Variants in ABR observed in about 807,000 individuals in gnomAD.
ABR encodes the protein ABR activator of RhoGEF and GTPase.
ABR carries 35 observed loss-of-function variants against 107.2 expected under a neutral mutation model. The observed-to-expected ratio is 0.33, with a 90% CI of 0.25 to 0.43. The LOEUF (loss-of-function observed/expected upper bound fraction) is 0.43, where lower values mean the gene tolerates loss of function less well. ABR is among the 20% of genes least tolerant of loss of function. The pLI is 1.00. For synonymous variants in ABR, 498 were observed against 462.0 expected (o/e 1.08, Z -1.00); for missense variants, 815 against 1,115.2 (o/e 0.73, Z 3.83).
chr17:1,083,981 T>G (rs17622751), intron 4 of ABR, among the ~76,000 whole-genome samples: 41,847 of 151,916 alleles, frequency 0.28, 6,903 homozygotes, highest in South Asian at 0.39. Context: ...TCATACTTCC[T>G]TCACATCCTG....
intron 4 of ABR, among the ~76,000 whole-genome samples, chr17:1,089,669 G>A (rs528863092): frequency 6.6e-6 from 1 of 152,318 alleles, no homozygotes; most frequent in South Asian, 2.1e-4. Context: ...CTAAGAAGAA[G>A]GAAATGCAGG....
intron 16 of ABR, among the ~76,000 whole-genome samples, chr17:1,038,512 C>T (rs955669171): frequency 6.6e-6 from 1 of 152,210 alleles, no homozygotes; most frequent in Admixed American, 6.5e-5. Flanking sequence ...TCTCCAGCCG[C>T]GCTAGGGTCT....
chr17:1,167,879 C>T (rs2041573031), intron 1 of ABR, among the ~76,000 whole-genome samples: 1 of 152,174 alleles, frequency 6.6e-6, no homozygotes, highest in African/African-American at 2.4e-5. Context: ...ATCGGCCGGG[C>T]GGGTCGCTCA....
chr17:1,208,785 G>A lies in ABR; in HGVS notation c.838+20008C>T, dbSNP rs1240791292. Among the ~76,000 whole-genome samples the A allele has an allele frequency of 2.0e-5, 3 of 152,166 alleles. No individual in the cohort carries two copies. In the East Asian group the frequency reaches 5.8e-4, roughly 29 times the overall value. ...CGCCTGTAGTCCCAGCTACTCGGGA[G>A]GCTGAGGCAGGAGAATGGCATGAAC... On this transcript the variant is annotated intron_variant, in intron 1 of 22. Coordinates refer to the ABR transcript ENST00000574139.
At position 1,050,282 on chromosome 17, in the gene ABR, A is replaced by G. The variant is rs942643170; in HGVS notation, c.1660-101T>C. 2.8e-6 allele frequency: 4 copies of G among 1,438,450 alleles called. No homozygotes were observed. The highest frequency in any genetic ancestry group is 2.3e-5 in the East Asian group (1 of 43,652). 89.1% of individuals were successfully genotyped at this position (1,438,450 alleles called of 1,614,324 possible). A position where few individuals can be genotyped will look rare whatever the true frequency, so the allele number is the denominator to read the frequency against. ...GCTTTGCAAGGAGGAGGGAGTAAGC[A>G]CGGCCCACGAAGGACACGTCAGATT... is the stretch of plus-strand genomic sequence containing the variant. On this transcript the variant is annotated intron_variant, in intron 15 of 22. Coordinates refer to ENST00000302538, the MANE Select transcript of ABR (RefSeq NM_021962.5). This position sits in a 1 kb window ranked among gnomAD's most constrained non-coding sequence, Gnocchi z 4.6.
chr17:1,186,449 C>CCCCT (rs2042298815), intron 1 of ABR, among the ~76,000 whole-genome samples: 1 of 152,196 alleles, frequency 6.6e-6, no homozygotes. Flanking sequence ...CTGCATTCAC[C>CCCCT]CCCTCACTGC....
Position 1,010,005 on chromosome 17 carries a change from G to T in ABR, c.2237-221C>A. ...GGTAACTCAGCCAGGAGGCCGGCTG[G>T]TGGGAGCAGACCCCCTTCCTGCAGC... On this transcript the variant is annotated intron_variant, in intron 20 of 22. Transcript: ENST00000302538. This position sits in a 1 kb window ranked among gnomAD's most constrained non-coding sequence, Gnocchi z 4.1. 6.7e-6 allele frequency: 4 copies of T among 598,472 alleles called. No homozygotes were observed. The East Asian group carries it at 8.3e-5, about 12-fold the overall frequency. 37.1% of individuals were successfully genotyped at this position (598,472 alleles called of 1,614,324 possible).
chr17:1,066,491 A>C (rs1212280266), intron 10 of ABR, among the ~76,000 whole-genome samples: 2 of 150,558 alleles, frequency 1.3e-5, no homozygotes, highest in Non-Finnish European at 1.5e-5. Flanking sequence ...TTTTCCTTAC[A>C]AAAGCCTGCT....
chr17:1,205,144 C>T (rs1024280709), intron 1 of ABR, among the ~76,000 whole-genome samples: 4 of 152,100 alleles, frequency 2.6e-5, no homozygotes, highest in Non-Finnish European at 5.9e-5. Flanking sequence ...TCAGGTGACC[C>T]GCCCACCTCA....
chr17:1,062,931 G>T (rs1292773769), intron 10 of ABR, among the ~76,000 whole-genome samples: 1 of 144,000 alleles, frequency 6.9e-6, no homozygotes, highest in Non-Finnish European at 1.6e-5. Flanking sequence ...TACGTGAACT[G>T]AGGGCTATGC....
chr17:1,171,916 G>A (rs1400630328), intron 1 of ABR, among the ~76,000 whole-genome samples: 2 of 152,122 alleles, frequency 1.3e-5, no homozygotes, highest in East Asian at 1.9e-4. Flanking sequence ...GGCAACGAGA[G>A]TGAAAATCTG....
chr17:1,222,865 T>A (rs2043143208), intron 1 of ABR, among the ~76,000 whole-genome samples: 1 of 152,096 alleles, frequency 6.6e-6, no homozygotes, highest in South Asian at 2.1e-4. Context: ...GCTGTGTTCA[T>A]GCCACTGCAC....
At chr17:1,191,683 C>T (rs147462382), upstream of ABR, among the ~76,000 whole-genome samples, 3 of 152,232 alleles carry the variant, frequency 2.0e-5, no homozygotes, top group East Asian at 5.8e-4. Context: ...CAGGGTTCTT[C>T]TGTCTCCTGA....
At position 1,073,605 on chromosome 17, in the gene ABR, T is replaced by C; in HGVS notation, c.753+20A>G. The stretch of plus-strand genomic sequence containing the variant: ...TGAACTCCTAAGCCCTCTCTGGCCA[T>C]TCGGAGGCTTGACACTCACGTGTAG... On this transcript the variant is annotated intron_variant, in intron 7 of 22. Coordinates refer to ENST00000302538, the MANE Select transcript of ABR (RefSeq NM_021962.5). The C allele has an allele frequency of 1.9e-6, 3 of 1,556,588 alleles. No homozygotes were observed. The highest frequency in any genetic ancestry group is 2.6e-6 in the Non-Finnish European group (3 of 1,143,936).
chr17:1,062,643 C>G (rs2034147904), intron 10 of ABR, among the ~76,000 whole-genome samples: 1 of 144,572 alleles, frequency 6.9e-6, no homozygotes, highest in Non-Finnish European at 1.6e-5. Context: ...GAGGGCTATG[C>G]ATGTTCCTCT....
At chr17:1,079,245 G>A (rs2036013223) in intron 6 of ABR, 85 bp downstream of exon 6, 4 of 1,544,064 alleles carry the variant, frequency 2.6e-6, no homozygotes, top group Non-Finnish European at 3.5e-6. Context: ...ACACACAAGG[G>A]GAAGGGCGCC....
intron 1 of ABR, among the ~76,000 whole-genome samples, chr17:1,215,260 C>T (rs1408889549): frequency 4.6e-5 from 7 of 151,518 alleles, no homozygotes; most frequent in African/African-American, 1.7e-4. Context: ...CCCTCTCCCT[C>T]TCTCTCCACG....
rs528578816 is a variant in ABR, at chr17:1,051,001, A to G, written c.1562-367T>C. Among the ~76,000 whole-genome samples the G allele has an allele frequency of 4.6e-5, 7 of 151,362 alleles. No individual in the cohort carries two copies. Among genetic ancestry groups the G allele is most frequent in the Non-Finnish European group, 8.8e-5 (6 of 67,842 alleles). ...ACTGTTCCGTCTCCACATCTTCCTC[A>G]CCATGGAGACGACACCACAAACTCT... On this transcript the variant is annotated intron_variant, in intron 14 of 22. Coordinates refer to ENST00000302538, the MANE Select transcript of ABR (RefSeq NM_021962.5). The surrounding 1 kb of genome is among the most constrained non-coding windows in gnomAD (Gnocchi z 4.3).
At chr17:1,012,514 T>C (rs765657260) in intron 18 of ABR, 174 bp downstream of exon 18, 1 of 702,742 alleles carries the variant, frequency 1.4e-6, no homozygotes, top group South Asian at 1.5e-5. Context: ...TTCTGAAGTG[T>C]CCTGTGAGCG....
Sources: allele counts gnomAD v4.1 joint callset (sites outside exome capture counted in the v4.1 genomes callset), GRCh38; gene constraint gnomAD v4.1.1; non-coding constraint Gnocchi (gnomAD v3.1); transcripts MANE v1.5; gene names NCBI Gene and HGNC (gene_info 2026-07-23, HGNC 2026-07-21).